GALNTL6: variants seen among roughly 807,000 people sequenced by gnomAD.
GALNTL6 encodes polypeptide N-acetylgalactosaminyltransferase-like 6.
GALNTL6 carries 46 observed loss-of-function variants against 73.7 expected under a neutral mutation model. That is an observed-to-expected ratio of 0.62 (90% CI 0.49 to 0.80). GALNTL6 has a LOEUF of 0.80. Ranked by LOEUF, GALNTL6 falls within the 30% of genes least tolerant of loss-of-function variation. The probability of loss-of-function intolerance (pLI) is 0.00; values close to 1 mark genes in which losing one functional copy is unlikely to be tolerated. For synonymous variants in GALNTL6, 259 were observed against 263.7 expected (o/e 0.98, Z 0.17); for missense variants, 604 against 755.0 (o/e 0.80, Z 2.34).
At chr4:171,945,862 A>C (rs1425215394) in intron 2 of GALNTL6, among the ~76,000 whole-genome samples, 4 of 152,150 alleles carry the variant, frequency 2.6e-5, no homozygotes, top group Non-Finnish European at 4.4e-5. Flanking sequence ...TAGTTATGAA[A>C]CTTGTTCTTT....
chr4:172,874,450 G>A (rs1745091295), intron 7 of GALNTL6, among the ~76,000 whole-genome samples: 1 of 152,302 alleles, frequency 6.6e-6, no homozygotes, highest in South Asian at 2.1e-4. Flanking sequence ...TTAGAAAAGG[G>A]GCAAAGGTCA....
At chr4:172,986,126 A>G (rs1248778838) in intron 10 of GALNTL6, among the ~76,000 whole-genome samples, 1 of 152,248 alleles carries the variant, frequency 6.6e-6, no homozygotes, top group Non-Finnish European at 1.5e-5. Context: ...TGATTAGGCC[A>G]GATTTCTTTC....
At position 173,004,184 on chromosome 4, in the gene GALNTL6, T is replaced by G. The variant is rs140260788; in HGVS notation, c.1372-4994T>G. Among the ~76,000 whole-genome samples the G allele has an allele frequency of 3.4e-3, 518 of 151,606 alleles. 3 individuals carry two copies. Among genetic ancestry groups the G allele is most frequent in the African/African-American group, 0.012 (493 of 41,240 alleles). ...GGGCAACAGAGCAAGACCCTATCTC[T>G]TGAAAAAAAAAATGAGGTTATAGGG... On this transcript the variant is annotated intron_variant, in intron 10 of 12. Transcript: ENST00000506823.
At chr4:171,929,318 T>G (rs1738097001) in intron 2 of GALNTL6, among the ~76,000 whole-genome samples, 1 of 152,142 alleles carries the variant, frequency 6.6e-6, no homozygotes, top group Non-Finnish European at 1.5e-5. Flanking sequence ...GTGATCTTAG[T>G]GCCTCAGCCT....
chr4:171,930,820 G>A (rs1738159551), intron 2 of GALNTL6, among the ~76,000 whole-genome samples: 1 of 152,192 alleles, frequency 6.6e-6, no homozygotes, highest in South Asian at 2.1e-4. Context: ...GGGTGACAGA[G>A]CGAGACTCTG....
chr4:172,334,444 C>A (rs184441954), intron 4 of GALNTL6, among the ~76,000 whole-genome samples: 11 of 152,118 alleles, frequency 7.2e-5, no homozygotes, highest in African/African-American at 2.7e-4. Context: ...TGTAATTTTG[C>A]TTGTAGAGAT....
rs183535163 is a variant in GALNTL6 at position 172,362,708 on chromosome 4, A to G, written c.553+14019A>G. Reference sequence around the variant, plus strand: ...AAGGCACACTGATACTTCAAACTCAATGTGTCCACATGTTCTAATTTTAAA... The same window carrying G: ...AAGGCACACTGATACTTCAAACTCAGTGTGTCCACATGTTCTAATTTTAAA... On this transcript the variant is annotated intron_variant, in intron 5 of 12. Coordinates refer to ENST00000506823, the MANE Select transcript of GALNTL6 (RefSeq NM_001034845.3). 7.2e-5 allele frequency among the ~76,000 whole-genome samples: 11 copies of G among 152,260 alleles called. No individual in the cohort carries two copies. In the East Asian group the frequency reaches 1.4e-3, roughly 19 times the overall value.
intron 5 of GALNTL6, among the ~76,000 whole-genome samples, chr4:172,475,547 T>C (rs1733201027): frequency 6.6e-6 from 1 of 152,206 alleles, no homozygotes; most frequent in Middle Eastern, 3.2e-3. Context: ...ATGTACAATT[T>C]ACTTTTTCGG....
intron 5 of GALNTL6, among the ~76,000 whole-genome samples, chr4:172,454,467 A>C (rs953680157): frequency 1.2e-4 from 19 of 152,346 alleles, no homozygotes; most frequent in African/African-American, 4.6e-4. Flanking sequence ...TCCAAGATGC[A>C]TGAGGTACAT....
At chr4:172,501,978 A>G (rs1209082722) in intron 5 of GALNTL6, among the ~76,000 whole-genome samples, 1 of 152,192 alleles carries the variant, frequency 6.6e-6, no homozygotes, top group East Asian at 1.9e-4. Context: ...ATTAGCAAGC[A>G]TACATTTCCT....
intron 5 of GALNTL6, among the ~76,000 whole-genome samples, chr4:172,457,739 G>T (rs1046761977): frequency 6.6e-6 from 1 of 152,168 alleles, no homozygotes; most frequent in Non-Finnish European, 1.5e-5. Flanking sequence ...AAGTGACTTA[G>T]ATTCCCACAC....
At chr4:172,272,322 C>G (rs529651892) in intron 3 of GALNTL6, among the ~76,000 whole-genome samples, 1 of 152,234 alleles carries the variant, frequency 6.6e-6, no homozygotes, top group East Asian at 1.9e-4. Flanking sequence ...AACTGTGGAG[C>G]TATGTTCTGA....
chr4:172,525,923 C>T (rs1734937269), intron 5 of GALNTL6, among the ~76,000 whole-genome samples: 1 of 152,102 alleles, frequency 6.6e-6, no homozygotes, highest in Admixed American at 6.5e-5. Flanking sequence ...TATAACCATG[C>T]CACCTATGAA....
intron 5 of GALNTL6, among the ~76,000 whole-genome samples, chr4:172,633,578 A>G (rs1408785888): frequency 6.6e-6 from 1 of 152,158 alleles, no homozygotes; most frequent in Non-Finnish European, 1.5e-5. Context: ...CTTGTCTCAG[A>G]TAAGACTTTA....
intron 5 of GALNTL6, among the ~76,000 whole-genome samples, chr4:172,371,164 A>G (rs751375543): frequency 2.6e-5 from 4 of 152,224 alleles, no homozygotes; most frequent in Non-Finnish European, 4.4e-5. Context: ...CTTCTATAAG[A>G]GTTTCCTTAT....
At chr4:172,488,140 A>G (rs1733764107) in intron 5 of GALNTL6, among the ~76,000 whole-genome samples, 1 of 152,168 alleles carries the variant, frequency 6.6e-6, no homozygotes, top group South Asian at 2.1e-4. Flanking sequence ...CAGTGTAGCT[A>G]CCTCACTAGA....
At chr4:172,777,384 G>T (rs1343648708) in intron 5 of GALNTL6, among the ~76,000 whole-genome samples, 1 of 151,998 alleles carries the variant, frequency 6.6e-6, no homozygotes, top group Admixed American at 6.6e-5. Flanking sequence ...TACAAACATG[G>T]CCACTGTATT....
chr4:172,542,717 C>A (rs568425725), intron 5 of GALNTL6, among the ~76,000 whole-genome samples: 12 of 152,256 alleles, frequency 7.9e-5, no homozygotes, highest in African/African-American at 2.9e-4. Flanking sequence ...GGTGGGGGTT[C>A]TGTTCAGTCA....
At chr4:172,775,840 A>C (rs1739043446) in intron 5 of GALNTL6, among the ~76,000 whole-genome samples, 1 of 152,164 alleles carries the variant, frequency 6.6e-6, no homozygotes, top group African/African-American at 2.4e-5. Context: ...GATGAATGAA[A>C]TGGCCATGTT....
Sources: gnomAD v4.1 joint callset for allele counts (sites outside exome capture counted in the v4.1 genomes callset) on GRCh38, gnomAD v4.1.1 for gene constraint, MANE v1.5 for transcripts, NCBI Gene and HGNC (gene_info 2026-07-23, HGNC 2026-07-21) for gene names.